Variants in FGF12 observed in about 807,000 individuals in gnomAD.
FGF12 encodes fibroblast growth factor 12B.
FGF12 carries 14 observed loss-of-function variants against 23.6 expected under a neutral mutation model. The ratio of observed to expected loss-of-function variants is 0.59; its 90% CI spans 0.39 to 0.93. FGF12 has a LOEUF of 0.93. Ranked by LOEUF, FGF12 falls within the 40% of genes least tolerant of loss-of-function variation. The pLI is 0.00. For synonymous variants in FGF12, 62 were observed against 77.3 expected (o/e 0.80, Z 1.04); for missense variants, 175 against 217.8 (o/e 0.80, Z 1.24).
chr3:192,522,655 G>C (rs1177964531), intron 2 of FGF12, among the ~76,000 whole-genome samples: 2 of 152,042 alleles, frequency 1.3e-5, no homozygotes, highest in South Asian at 4.2e-4. Flanking sequence ...CAAAGTAGTC[G>C]GTACAACATT....
chr3:192,316,184 T>G (rs970929173), intron 4 of FGF12, among the ~76,000 whole-genome samples: 1 of 151,928 alleles, frequency 6.6e-6, no homozygotes, highest in African/African-American at 2.4e-5. Flanking sequence ...TAATAATAGA[T>G]CATTGAGGTG....
At chr3:192,534,120 G>C (rs184243305) in intron 2 of FGF12, 8 of 165,588 alleles carry the variant, frequency 4.8e-5, no homozygotes, top group African/African-American at 1.2e-4. Flanking sequence ...GATCAGGTTT[G>C]GTTGTTTAAA....
intron 2 of FGF12, among the ~76,000 whole-genome samples, chr3:192,670,121 C>T (rs1336329966): frequency 6.6e-6 from 1 of 152,068 alleles, no homozygotes; most frequent in Non-Finnish European, 1.5e-5. Context: ...ATACCTCAAC[C>T]AAAACAATAT....
In FGF12 at chr3:192,514,208, T is replaced by C. The variant is rs1388219339; in HGVS notation, c.14-153670A>G. Among the ~76,000 whole-genome samples the C allele has an allele frequency of 6.6e-6, 1 of 152,232 alleles. No homozygotes were observed. The highest frequency in any genetic ancestry group is 1.5e-5 in the Non-Finnish European group (1 of 68,036). On this transcript the variant is annotated intron_variant, in intron 2 of 5. Transcript: ENST00000445105. The surrounding 1 kb of genome is among the most constrained non-coding windows in gnomAD (Gnocchi z 4.9). ...CCCCTAACCACCGCCAGATGTCTAC[T>C]TTTCAGACAAAGCAAGAAAAAGAAA...
intron 4 of FGF12, among the ~76,000 whole-genome samples, chr3:192,278,413 T>C (rs903043): frequency 0.38 from 57,370 of 152,020 alleles, 11,915 homozygotes; most frequent in East Asian, 0.9. Context: ...CTTCTTCCCA[T>C]TGTACTGAGA....
At chr3:192,166,705 G>T (rs771461940) in intron 5 of FGF12, among the ~76,000 whole-genome samples, 2 of 152,214 alleles carry the variant, frequency 1.3e-5, no homozygotes, top group Non-Finnish European at 2.9e-5. Context: ...GCTTAGAATA[G>T]CACCTGCACA....
intron 2 of FGF12, among the ~76,000 whole-genome samples, chr3:192,637,738 C>A (rs980250091): frequency 6.6e-6 from 1 of 152,002 alleles, no homozygotes; most frequent in Non-Finnish European, 1.5e-5. Flanking sequence ...TAAAAGGAAA[C>A]AATATATATA....
chr3:192,508,703 C>T (rs1724385267), intron 2 of FGF12, among the ~76,000 whole-genome samples: 1 of 152,122 alleles, frequency 6.6e-6, no homozygotes, highest in African/African-American at 2.4e-5. Flanking sequence ...CTTTTTATAT[C>T]TTTATCTTAG....
intron 2 of FGF12, among the ~76,000 whole-genome samples, chr3:192,450,147 C>T (rs1417755657): frequency 1.3e-5 from 2 of 152,156 alleles, no homozygotes; most frequent in South Asian, 2.1e-4. Context: ...TCTAAAAATC[C>T]CATTTTTCCC....
At chr3:192,553,736 C>T (rs75974421) in intron 2 of FGF12, among the ~76,000 whole-genome samples, 3,769 of 152,260 alleles carry the variant, frequency 0.025, 166 homozygotes, top group African/African-American at 0.086. Flanking sequence ...GAGAAAACTC[C>T]CATTTCCTGG....
intron 4 of FGF12, among the ~76,000 whole-genome samples, chr3:192,283,593 T>A (rs547803719): frequency 6.6e-6 from 1 of 152,078 alleles, no homozygotes; most frequent in Non-Finnish European, 1.5e-5. Flanking sequence ...GGAGAGAATA[T>A]CATTTTACCT....
At chr3:192,356,789 T>C (rs916745733) in intron 3 of FGF12, among the ~76,000 whole-genome samples, 3 of 152,334 alleles carry the variant, frequency 2.0e-5, no homozygotes, top group Admixed American at 1.3e-4. Flanking sequence ...CTTCTACTCC[T>C]ACACACACAA....
chr3:192,504,724 A>G (rs1338034103), intron 2 of FGF12, among the ~76,000 whole-genome samples: 8 of 152,140 alleles, frequency 5.3e-5, no homozygotes, highest in African/African-American at 1.9e-4. Flanking sequence ...TCACACTACT[A>G]TTGGGGTTCA....
intron 2 of FGF12, among the ~76,000 whole-genome samples, chr3:192,431,645 T>C (rs188054414): frequency 1.3e-5 from 2 of 152,302 alleles, no homozygotes; most frequent in African/African-American, 4.8e-5. Flanking sequence ...AAGGTCAAGT[T>C]GCCCAACTCA....
intron 4 of FGF12, among the ~76,000 whole-genome samples, chr3:192,327,642 A>G (rs1030885677): frequency 3.5e-5 from 5 of 141,626 alleles, no homozygotes; most frequent in African/African-American, 1.3e-4. Context: ...ACATCAAACT[A>G]TTCATTAAAA....
chr3:192,375,060 A>G (rs1049876045), intron 2 of FGF12, among the ~76,000 whole-genome samples: 2 of 152,180 alleles, frequency 1.3e-5, no homozygotes, highest in East Asian at 3.8e-4. Context: ...AAAAGTACCT[A>G]CTGCCCTTTG....
intron 2 of FGF12, among the ~76,000 whole-genome samples, chr3:192,453,876 T>C (rs1037053616): frequency 6.6e-6 from 1 of 152,208 alleles, no homozygotes; most frequent in Non-Finnish European, 1.5e-5. Context: ...TATTTCTCTA[T>C]AAACTTGAAG....
intron 4 of FGF12, among the ~76,000 whole-genome samples, chr3:192,171,072 GC>G (rs1417658460): frequency 2.0e-5 from 3 of 152,196 alleles, no homozygotes; most frequent in Admixed American, 6.5e-5. Context: ...CACACAAGGT[GC>G]TTTTGAAGAG....
intron 2 of FGF12, among the ~76,000 whole-genome samples, chr3:192,567,774 T>TTTCTTTCTTTC (rs1712389736): frequency 7.4e-6 from 1 of 135,064 alleles, no homozygotes; most frequent in Non-Finnish European, 1.6e-5. Flanking sequence ...TCTTTCTTTC[T>TTTCTTTCTTTC]TTCTTTCTTT....
Sources: gnomAD v4.1 joint callset for allele counts (sites outside exome capture counted in the v4.1 genomes callset) on GRCh38, gnomAD v4.1.1 for gene constraint, Gnocchi (gnomAD v3.1) non-coding constraint, MANE v1.5 for transcripts, NCBI Gene and HGNC (gene_info 2026-07-23, HGNC 2026-07-21) for gene names.